MAST4: variants seen among roughly 807,000 people sequenced by gnomAD.
The protein encoded by MAST4 is microtubule associated serine/threonine kinase family member 4, also known as microtubule-associated serine/threonine-protein kinase 4.
A neutral mutation model predicts 162.7 loss-of-function variants in MAST4; 89 were observed. The ratio of observed to expected loss-of-function variants is 0.55; its 90% confidence interval spans 0.46 to 0.65. The LOEUF (loss-of-function observed/expected upper bound fraction) is 0.65, where lower values mean the gene tolerates loss of function less well. Among genes scored for constraint, MAST4 ranks in the 30% least tolerant of loss-of-function variants. MAST4 has a pLI of 0.00. For missense variants in MAST4, 3,153 were observed against 3,374.0 expected, an observed-to-expected ratio of 0.93 and a Z score of 1.62; for synonymous variants, 1,479 against 1,361.1, an observed-to-expected ratio of 1.09 and a Z score of -1.91.
intron 4 of MAST4, among the ~76,000 whole-genome samples, chr5:66,945,311 A>G (rs1482165168): frequency 6.6e-6 from 1 of 152,132 alleles, no homozygotes; most frequent in Non-Finnish European, 1.5e-5. Context: ...CTAAGCAGTT[A>G]AAGTTTCAAA....
intron 4 of MAST4, among the ~76,000 whole-genome samples, chr5:66,920,150 A>T (rs961778750): frequency 6.6e-6 from 1 of 152,190 alleles, no homozygotes; most frequent in Non-Finnish European, 1.5e-5. Flanking sequence ...CTCAAAAGCC[A>T]AGAGTCAATC....
intron 2 of MAST4, among the ~76,000 whole-genome samples, chr5:66,781,789 C>T (rs1262060407): frequency 2.0e-5 from 3 of 152,168 alleles, no homozygotes; most frequent in Non-Finnish European, 4.4e-5. Context: ...GGATTGGCTA[C>T]TAAATATATA....
intron 4 of MAST4, among the ~76,000 whole-genome samples, chr5:66,946,452 T>C (rs1744036111): frequency 6.6e-6 from 1 of 152,156 alleles, no homozygotes; most frequent in South Asian, 2.1e-4. Context: ...AATAAATAAA[T>C]AAATGAATTC....
At chr5:67,014,612 G>A (rs1183932200) in intron 4 of MAST4, among the ~76,000 whole-genome samples, 1 of 152,196 alleles carries the variant, frequency 6.6e-6, no homozygotes, top group Non-Finnish European at 1.5e-5. Context: ...CTCCTGTGAA[G>A]TTCAGGCAGG....
At chr5:66,693,317 GAATAA>G (rs1406161442) in intron 1 of MAST4, among the ~76,000 whole-genome samples, 4 of 152,140 alleles carry the variant, frequency 2.6e-5, no homozygotes, top group African/African-American at 9.6e-5. Context: ...AAAAATCTAA[GAATAA>G]AATATTCCAA....
chr5:66,986,080 A>G (rs573829314), intron 4 of MAST4, among the ~76,000 whole-genome samples: 2 of 152,348 alleles, frequency 1.3e-5, no homozygotes, highest in African/African-American at 2.4e-5. Context: ...CTGTAATATA[A>G]TAACAGACCA....
At chr5:66,785,199 C>G (rs1259779606) in intron 2 of MAST4, among the ~76,000 whole-genome samples, 1 of 152,146 alleles carries the variant, frequency 6.6e-6, no homozygotes, top group African/African-American at 2.4e-5. Flanking sequence ...CCATTGTACT[C>G]CAGCCTGAGT....
intron 4 of MAST4, among the ~76,000 whole-genome samples, chr5:66,977,107 A>G (rs1378171426): frequency 6.6e-6 from 1 of 152,030 alleles, no homozygotes; most frequent in South Asian, 2.1e-4. Flanking sequence ...CTATTATCAG[A>G]CTTTCTTTTT....
intron 4 of MAST4, among the ~76,000 whole-genome samples, chr5:67,029,897 G>A (rs766094194): frequency 6.6e-6 from 1 of 152,064 alleles, no homozygotes; most frequent in African/African-American, 2.4e-5. Context: ...TCCTGTTTAC[G>A]AGTTTGCACA....
chr5:66,850,973 A>G (rs1356035770), intron 3 of MAST4, among the ~76,000 whole-genome samples: 2 of 138,802 alleles, frequency 1.4e-5, no homozygotes, highest in Non-Finnish European at 3.1e-5. Context: ...CATTTGAGAA[A>G]TGTGTTCTCT....
Position 67,045,987 on chromosome 5 carries a change from C to T in MAST4, c.675-8417C>T, listed in dbSNP as rs542029952. Among the ~76,000 whole-genome samples the T allele has an allele frequency of 3.9e-5, 6 of 152,250 alleles. No individual in the cohort carries two copies. The East Asian group carries it at 1.2e-3, about 29-fold the overall frequency. On this transcript the variant is annotated intron_variant, in intron 4 of 28. Transcript: ENST00000403625. ...GTCTCTCTGGGCCTGATACATTTTG[C>T]ATATTTCACGTAACTCAGACTGCTC...
intron 4 of MAST4, among the ~76,000 whole-genome samples, chr5:66,929,700 T>C (rs985135175): frequency 6.6e-6 from 1 of 152,186 alleles, no homozygotes; most frequent in African/African-American, 2.4e-5. Context: ...GGAATTAAAT[T>C]CAAGGGATAG....
chr5:67,009,470 G>C (rs1333539244), intron 4 of MAST4, among the ~76,000 whole-genome samples: 1 of 152,038 alleles, frequency 6.6e-6, no homozygotes, highest in Admixed American at 6.6e-5. Flanking sequence ...CATTTACCTG[G>C]GTTAACATCT....
intron 1 of MAST4, among the ~76,000 whole-genome samples, chr5:66,709,753 A>G (rs1243516808): frequency 6.6e-6 from 1 of 152,218 alleles, no homozygotes; most frequent in Non-Finnish European, 1.5e-5. Context: ...CAAATATTAT[A>G]AAAAATAATC....
chr5:66,689,029 A>G (rs1187811703), intron 1 of MAST4, among the ~76,000 whole-genome samples: 1 of 152,184 alleles, frequency 6.6e-6, no homozygotes, highest in Non-Finnish European at 1.5e-5. Context: ...TGTTTATTCT[A>G]TCCTTAGGAA....
intron 4 of MAST4, among the ~76,000 whole-genome samples, chr5:67,042,539 G>A (rs540812105): frequency 3.4e-5 from 5 of 148,748 alleles, no homozygotes; most frequent in Admixed American, 6.7e-5. Context: ...TTTTTTCCGC[G>A]CTTTTCACCA....
At chr5:66,897,373 G>A (rs1178191753) in intron 3 of MAST4, among the ~76,000 whole-genome samples, 3 of 152,180 alleles carry the variant, frequency 2.0e-5, no homozygotes, top group Non-Finnish European at 4.4e-5. Flanking sequence ...GGACTTTGGC[G>A]ATAAAATGAC....
chr5:66,808,430 T>G lies in MAST4; in HGVS notation c.642+19636T>G, dbSNP rs957966257. Among the ~76,000 whole-genome samples, 9 of 149,940 alleles carry G rather than the reference T, an allele frequency of 6.0e-5. No homozygotes were observed. The South Asian group carries it at 6.2e-4, about 10-fold the overall frequency. On this transcript the variant is annotated intron_variant, in intron 3 of 28. Coordinates refer to ENST00000403625, the MANE Select transcript of MAST4 (RefSeq NM_001164664.2). ...AATAGCCCCTATTAACTAAATTAGG[T>G]TTTTTTTTGGTTCAGAATACTTTAT...
rs541855264 is a variant in MAST4, at chr5:66,753,986, G to C, written c.364-5723G>C. On this transcript the variant is annotated intron_variant, in intron 1 of 28. Transcript: ENST00000403625. Reference sequence around the variant, plus strand: ...GTGGGCTTCATCCCTGGGATGCAAGGCTGGTTCAATATATGCAAATCAATA... The same window carrying C: ...GTGGGCTTCATCCCTGGGATGCAAGCCTGGTTCAATATATGCAAATCAATA... Among the ~76,000 whole-genome samples the C allele has an allele frequency of 2.2e-4, 34 of 151,570 alleles. No individual in the cohort carries two copies. The East Asian group carries it at 6.2e-3, about 28-fold the overall frequency.
Sources: allele counts gnomAD v4.1 joint callset (sites outside exome capture counted in the v4.1 genomes callset), GRCh38; gene constraint gnomAD v4.1.1; transcripts MANE v1.5; gene names NCBI Gene and HGNC (gene_info 2026-07-23, HGNC 2026-07-21).